Variants in ZNF714 observed in about 807,000 individuals in gnomAD.
ZNF714 encodes the protein zinc finger protein 714.
A neutral mutation model predicts 46.2 loss-of-function variants in ZNF714; 32 were observed. That is an observed-to-expected ratio of 0.69 (90% CI 0.52 to 0.93). The LOEUF (loss-of-function observed/expected upper bound fraction) is 0.93. Among genes scored for constraint, ZNF714 ranks in the 40% least tolerant of loss-of-function variants. The pLI, the probability that ZNF714 is intolerant of heterozygous loss-of-function variation, is 0.00. For synonymous variants in ZNF714, 199 were observed against 213.1 expected (o/e 0.93, Z 0.58); for missense variants, 635 against 646.3 (o/e 0.98, Z 0.19).
At chr19:21,100,984 C>T (rs1969166870) in intron 4 of ZNF714, among the ~76,000 whole-genome samples, 1 of 152,174 alleles carries the variant, frequency 6.6e-6, no homozygotes, top group Non-Finnish European at 1.5e-5. Context: ...GCTGGGATTA[C>T]AGGTGTGAGC....
At chr19:21,116,754 A>G (rs1005976819) in intron 4 of ZNF714, 53 bp from the exon 5 acceptor site, 16 of 1,520,274 alleles carry the variant, frequency 1.1e-5, no homozygotes, top group Middle Eastern at 1.8e-4. Flanking sequence ...TTTGTAAAGT[A>G]TGTTTATCAG....
intron 2 of ZNF714, among the ~76,000 whole-genome samples, chr19:21,084,860 T>C (rs1440631136): frequency 6.6e-6 from 1 of 152,076 alleles, no homozygotes; most frequent in East Asian, 1.9e-4. Context: ...CCTCAGATGA[T>C]CTGCCCTCCT....
rs1969634824 is a variant in ZNF714, at chr19:21,117,811, A to C, written c.1147A>C (p.Lys383Gln). 4 of 1,612,180 alleles carry C rather than the reference A, an allele frequency of 2.5e-6. No homozygotes were observed. The highest frequency in any genetic ancestry group is 2.5e-6 in the Non-Finnish European group (3 of 1,179,086). Residue 383 changes from lysine to glutamine, a missense_variant, in exon 5 of 5, where the codon AAA becomes CAA. Physicochemically the swap from Lys to Gln is moderately conservative, Grantham distance 53. Transcript: ENST00000456283. ...TGGCAAAGCCTTTAACCACTCCTCA[A>C]AACTTACTATACATAAGATAATTCA... is the stretch of plus-strand genomic sequence containing the variant. ...ECGKAFNHSS[K>Q]LTIHKIIHTG...
At chr19:21,088,802 G>T (rs1968842898) in intron 2 of ZNF714, among the ~76,000 whole-genome samples, 1 of 152,156 alleles carries the variant, frequency 6.6e-6, no homozygotes, top group Non-Finnish European at 1.5e-5. Context: ...AAAGCATGTA[G>T]TTTCTATGGC....
rs990063069 is a variant in ZNF714 at position 21,087,140 on chromosome 19, CTTAAG to C, written c.-85+3076_-85+3080del. Among the ~76,000 whole-genome samples, 8 of 137,028 alleles carry C rather than the reference CTTAAG, an allele frequency of 5.8e-5. No individual in the cohort carries two copies. The East Asian group carries it at 1.6e-3, about 27-fold the overall frequency. 89.9% of individuals were successfully genotyped at this position (137,028 alleles called of 152,430 possible). ...TGCATTTGAGAACATCTGTCAAAGT[CTTAAG>C]TTAACTATAAATCATCTTTTGAAGA... On this transcript the variant is annotated intron_variant, in intron 2 of 4. Coordinates refer to ENST00000456283, the MANE Select transcript of ZNF714 (RefSeq NM_182515.4).
chr19:21,090,484 T>C (rs1968884099), intron 2 of ZNF714, among the ~76,000 whole-genome samples: 1 of 152,170 alleles, frequency 6.6e-6, no homozygotes, highest in Non-Finnish European at 1.5e-5. Flanking sequence ...AGAATAGCAA[T>C]GAATATCCCG....
chr19:21,104,243 T>TATTTC (rs57667122), intron 4 of ZNF714, among the ~76,000 whole-genome samples: 124,180 of 151,748 alleles, frequency 0.82, 52,766 homozygotes, highest in Middle Eastern at 0.93. Flanking sequence ...ATTTCTGTGA[T>TATTTC]ATTGGATGTA....
intron 4 of ZNF714, among the ~76,000 whole-genome samples, chr19:21,104,927 TTA>T (rs1175078293): frequency 1.3e-5 from 2 of 152,018 alleles, no homozygotes; most frequent in African/African-American, 2.4e-5. Flanking sequence ...ATTTTTATTT[TTA>T]TATGTTTCTC....
Position 21,121,891 on chromosome 19 carries a change from T to C in ZNF714, c.*3559T>C, listed in dbSNP as rs1969708736. ...TTTTGTTTTATGGTTTAGGAAGTAT[T>C]CATTATATGAGCTGGTCTGTGATTA... is the stretch of plus-strand genomic sequence containing the variant. On this transcript the variant is annotated 3_prime_UTR_variant, in exon 5 of 5. Coordinates refer to ENST00000456283, the MANE Select transcript of ZNF714 (RefSeq NM_182515.4). 6.6e-6 allele frequency: 1 copy of C among 152,200 alleles called. No individual in the cohort carries two copies. Among genetic ancestry groups the C allele is most frequent in the Non-Finnish European group, 1.5e-5 (1 of 68,030 alleles). The allele number at this position is 152,200 out of a possible 1,614,324, so 9.4% of individuals were successfully genotyped here.
In ZNF714 at chr19:21,121,522, C is replaced by T. The variant is rs1969703187; in HGVS notation, c.*3190C>T. 1 of 152,056 alleles carries T rather than the reference C, an allele frequency of 6.6e-6. No homozygotes were observed. Among genetic ancestry groups the T allele is most frequent in the African/African-American group, 2.4e-5 (1 of 41,380 alleles). 9.4% of individuals were successfully genotyped at this position (152,056 alleles called of 1,614,324 possible). ...TTTGAACATGTGGCCTGTCTGCCTGCAAACATGCAGACTTTTTGATTCACA... is the reference window on the plus strand; with the variant it reads ...TTTGAACATGTGGCCTGTCTGCCTGTAAACATGCAGACTTTTTGATTCACA... On this transcript the variant is annotated 3_prime_UTR_variant, in exon 5 of 5. Transcript: ENST00000456283.
At chr19:21,097,632 T>C (rs1159387395) in intron 2 of ZNF714, among the ~76,000 whole-genome samples, 1 of 152,176 alleles carries the variant, frequency 6.6e-6, no homozygotes, top group Non-Finnish European at 1.5e-5. Context: ...CTTATCTTTG[T>C]TTACAGACCA....
chr19:21,117,612 A>C lies in ZNF714; in HGVS notation c.948A>C (p.Glu316Asp). 6.2e-7 allele frequency: 1 copy of C among 1,611,966 alleles called. No individual in the cohort carries two copies. The highest frequency in any genetic ancestry group is 1.1e-5 in the South Asian group (1 of 90,886). Residue 316 changes from glutamate to aspartate, a missense_variant, in exon 5 of 5, where the codon GAA becomes GAC. By Grantham distance (45) the Glu-to-Asp change is conservative (BLOSUM62 2). Coordinates refer to ENST00000456283, the MANE Select transcript of ZNF714 (RefSeq NM_182515.4). ...IHSGEKSYKCEQCGKGFNWSS... is the reference protein window; with the variant it reads ...IHSGEKSYKCDQCGKGFNWSS... ...CTGGAGAGAAATCTTACAAATGTGA[A>C]CAATGTGGCAAAGGCTTTAACTGGT...
intron 2 of ZNF714, among the ~76,000 whole-genome samples, 188 bp from the exon 3 acceptor site, chr19:21,097,997 T>G (rs1208525112): frequency 2.0e-5 from 3 of 152,240 alleles, no homozygotes; most frequent in African/African-American, 4.8e-5. Context: ...GTGGATCTTA[T>G]GCCATTCTCT....
At chr19:21,092,381 A>G (rs1042589610) in intron 2 of ZNF714, among the ~76,000 whole-genome samples, 2 of 152,198 alleles carry the variant, frequency 1.3e-5, no homozygotes, top group African/African-American at 4.8e-5. Flanking sequence ...GTCTCCTGGC[A>G]TATCCCAACC....
At position 21,118,227 on chromosome 19, in the gene ZNF714, G is replaced by A; in HGVS notation, c.1563G>A (p.Glu521=). Residue 521 remains glutamate, a synonymous_variant, in exon 5 of 5, where the codon GAG becomes GAA. Transcript: ENST00000456283. ...CNPNTLRGLG[E]QIARSGVQDQ... Reference sequence around the variant, plus strand: ...CCAACACTTTGAGAGGACTAGGTGAGCAGATCGCGAGGTCAGGAGTTCAAG... The same window carrying A: ...CCAACACTTTGAGAGGACTAGGTGAACAGATCGCGAGGTCAGGAGTTCAAG... 6.3e-7 allele frequency: 1 copy of A among 1,579,368 alleles called. No individual in the cohort carries two copies. Among genetic ancestry groups the A allele is most frequent in the South Asian group, 1.1e-5 (1 of 88,384 alleles).
At position 21,124,364 on chromosome 19, in the gene ZNF714, TCA is replaced by T. The variant is rs1969759234; in HGVS notation, c.*6033_*6034del. 6.6e-6 allele frequency among the ~76,000 whole-genome samples: 1 copy of T among 152,238 alleles called. No individual in the cohort carries two copies. The highest frequency in any genetic ancestry group is 2.4e-5 in the African/African-American group (1 of 41,474). On this transcript the variant is annotated 3_prime_UTR_variant, in exon 5 of 5. Coordinates refer to ENST00000456283, the MANE Select transcript of ZNF714 (RefSeq NM_182515.4). ...AATATTTTGAACATGCTGTTAAATA[TCA>T]GAGTTCCTATGATTATGACTAAAAA... is the stretch of plus-strand genomic sequence containing the variant.
rs979190901 is a variant in ZNF714, at chr19:21,082,246, C to G, written c.-279C>G. 3 of 1,275,386 alleles carry G rather than the reference C, an allele frequency of 2.4e-6. No individual in the cohort carries two copies. The highest frequency in any genetic ancestry group is 1.2e-5 in the South Asian group (1 of 85,562). The allele number at this position is 1,275,386 out of a possible 1,614,324, so 79.0% of individuals were successfully genotyped here. A position where few individuals can be genotyped will look rare whatever the true frequency, so the allele number is the denominator to read the frequency against. Reference sequence around the variant, plus strand: ...AGCTGCAGGTCTCGCCTTCACTGCCCTGTGTCCTCTGCTCGCAGAGGCCCA... The same window carrying G: ...AGCTGCAGGTCTCGCCTTCACTGCCGTGTGTCCTCTGCTCGCAGAGGCCCA... On this transcript the variant is annotated 5_prime_UTR_variant, in exon 1 of 5. Transcript: ENST00000456283.
intron 4 of ZNF714, among the ~76,000 whole-genome samples, chr19:21,107,907 G>C (rs1474292635): frequency 6.6e-6 from 1 of 152,098 alleles, no homozygotes; most frequent in Non-Finnish European, 1.5e-5. Flanking sequence ...AGAAAACAAA[G>C]TGTATGATTT....
rs1969605420 is a variant in ZNF714 at position 21,116,822 on chromosome 19, T to C, written c.158T>C (p.Phe53Ser). ...TTTCTTTCAGCTATGTGTTCTTCTT[T>C]TACCAGAGACCTTTGGCCAGAGCAA... Reference protein sequence around the residue: ...VDESPAMCSSFTRDLWPEQDI... With the variant: ...VDESPAMCSSSTRDLWPEQDI... The change falls in exon 5 of 5, where the codon TTT becomes TCT. Residue 53 changes from phenylalanine (F) to serine (S), a missense_variant. Coordinates refer to ENST00000456283, the MANE Select transcript of ZNF714 (RefSeq NM_182515.4). 3 of 1,593,154 alleles carry C rather than the reference T, an allele frequency of 1.9e-6. No individual in the cohort carries two copies. In the East Asian group the frequency reaches 6.7e-5, roughly 36 times the overall value.
Sources: gnomAD v4.1 joint callset for allele counts (sites outside exome capture counted in the v4.1 genomes callset) on GRCh38, gnomAD v4.1.1 for gene constraint, MANE v1.5 for transcripts, NCBI Gene and HGNC (gene_info 2026-07-23, HGNC 2026-07-21) for gene names.